The following PDSS2 variants were observed in gnomAD, a reference collection of about 807,000 sequenced individuals.
PDSS2 encodes the protein all trans-polyprenyl-diphosphate synthase PDSS2.
Under a neutral mutation model 44.5 loss-of-function variants are expected in PDSS2, and 31 were observed. The observed-to-expected ratio is 0.70, with a 90% confidence interval of 0.52 to 0.94. The LOEUF is 0.94. Ranked by LOEUF, PDSS2 falls within the 40% of genes least tolerant of loss-of-function variation. The probability of loss-of-function intolerance (pLI) is 0.00; values close to 1 mark genes in which losing one functional copy is unlikely to be tolerated. For synonymous variants in PDSS2, 157 were observed against 180.3 expected, an observed-to-expected ratio of 0.87 and a Z score of 1.03; for missense variants, 452 against 482.2, an observed-to-expected ratio of 0.94 and a Z score of 0.59.
intron 1 of PDSS2, among the ~76,000 whole-genome samples, chr6:107,368,576 A>T (rs1207261869): frequency 6.6e-6 from 1 of 152,176 alleles, no homozygotes; most frequent in Non-Finnish European, 1.5e-5. Flanking sequence ...AATGTGGGCC[A>T]GTCACGGCAG....
rs1241049560 is a variant in PDSS2 at position 107,154,276 on chromosome 6, C to T, written c.*343G>A. 1 of 328,564 alleles carries T rather than the reference C, an allele frequency of 3.0e-6. No individual in the cohort carries two copies. The highest frequency in any genetic ancestry group is 5.8e-6 in the Non-Finnish European group (1 of 171,322). The allele number at this position is 328,564 out of a possible 1,614,324, so 20.4% of individuals were successfully genotyped here. On this transcript the variant is annotated 3_prime_UTR_variant, in exon 8 of 8. Coordinates refer to ENST00000369037, the MANE Select transcript of PDSS2 (RefSeq NM_020381.4). ...CTTTGTCCTCTCTAGCAGGAAAAAC[C>T]ACAGGCCACCGCCCTGGCGCCATCC...
intron 1 of PDSS2, among the ~76,000 whole-genome samples, chr6:107,405,950 A>G (rs1583044876): frequency 3.3e-5 from 5 of 152,190 alleles, no homozygotes; most frequent in Admixed American, 2.6e-4. Flanking sequence ...AATGGGTACA[A>G]TGTAAACTTT....
chr6:107,220,383 C>T (rs1159298896), intron 4 of PDSS2, among the ~76,000 whole-genome samples: 2 of 151,816 alleles, frequency 1.3e-5, no homozygotes, highest in African/African-American at 4.8e-5. Flanking sequence ...GCAAAAAAAA[C>T]CCATTTATTA....
chr6:107,405,846 C>CAAAAAA (rs1301868631), intron 1 of PDSS2, among the ~76,000 whole-genome samples: 1 of 56,770 alleles, frequency 1.8e-5, no homozygotes, highest in African/African-American at 5.8e-5. Context: ...GACTCCGTCT[C>CAAAAAA]AAAAAAAAAA....
intron 1 of PDSS2, among the ~76,000 whole-genome samples, chr6:107,417,814 C>CAT (rs1429635762): frequency 7.1e-6 from 1 of 139,918 alleles, no homozygotes; most frequent in South Asian, 2.3e-4. Flanking sequence ...CACACACACA[C>CAT]ATATATACAC....
At chr6:107,181,071 C>T (rs745419398) in intron 7 of PDSS2, among the ~76,000 whole-genome samples, 21 of 152,178 alleles carry the variant, frequency 1.4e-4, no homozygotes, top group Non-Finnish European at 2.9e-4. Flanking sequence ...GCTCGAACTC[C>T]TGACCTCAGG....
At chr6:107,266,599 A>G (rs1582869554) in intron 3 of PDSS2, among the ~76,000 whole-genome samples, 2 of 152,366 alleles carry the variant, frequency 1.3e-5, no homozygotes, top group East Asian at 3.9e-4. Flanking sequence ...ATGCAAATTT[A>G]AAGGTGTAAA....
chr6:107,370,203 T>C (rs1779088834), intron 1 of PDSS2, among the ~76,000 whole-genome samples: 1 of 152,182 alleles, frequency 6.6e-6, no homozygotes, highest in Admixed American at 6.5e-5. Context: ...TCAAGAGTTT[T>C]GGCAGGTTTG....
At chr6:107,426,034 G>A (rs1180474327) in intron 1 of PDSS2, among the ~76,000 whole-genome samples, 2 of 152,106 alleles carry the variant, frequency 1.3e-5, no homozygotes, top group Non-Finnish European at 1.5e-5. Context: ...ATGTAACAAG[G>A]AGCCAAATGT....
At chr6:107,397,209 G>A (rs1282719224) in intron 1 of PDSS2, among the ~76,000 whole-genome samples, 1 of 150,774 alleles carries the variant, frequency 6.6e-6, no homozygotes, top group Non-Finnish European at 1.5e-5. Context: ...GGTCGAGGGG[G>A]AAGCATGAAA....
intron 1 of PDSS2, among the ~76,000 whole-genome samples, chr6:107,455,736 T>C (rs555061146): frequency 1.5e-3 from 166 of 109,426 alleles, no homozygotes; most frequent in African/African-American, 5.6e-3. Context: ...AGCCTGGCGA[T>C]AGAGCGAGAC....
chr6:107,199,788 G>A (rs748095332), intron 6 of PDSS2, among the ~76,000 whole-genome samples: 1 of 152,110 alleles, frequency 6.6e-6, no homozygotes, highest in Admixed American at 6.6e-5. Flanking sequence ...CAGGAAAAAC[G>A]AATTTTACTC....
intron 1 of PDSS2, among the ~76,000 whole-genome samples, chr6:107,408,635 C>G (rs1466642343): frequency 6.6e-6 from 1 of 152,100 alleles, no homozygotes. Flanking sequence ...ATCTGGCAAG[C>G]AAAAAATGAA....
At chr6:107,207,985 T>TG (rs914823532) in intron 6 of PDSS2, among the ~76,000 whole-genome samples, 2 of 144,320 alleles carry the variant, frequency 1.4e-5, no homozygotes, top group African/African-American at 5.1e-5. Flanking sequence ...CTTGTTTTTT[T>TG]TTTTTTTTTT....
chr6:107,354,430 C>G (rs1393237209), intron 1 of PDSS2, among the ~76,000 whole-genome samples: 1 of 152,218 alleles, frequency 6.6e-6, no homozygotes, highest in East Asian at 1.9e-4. Context: ...AAAAATCAGA[C>G]TCCATTCCAT....
chr6:107,158,680 C>G (rs1554246148), intron 7 of PDSS2, among the ~76,000 whole-genome samples: 1 of 152,124 alleles, frequency 6.6e-6, no homozygotes, highest in Non-Finnish European at 1.5e-5. Context: ...CAGCCAGATT[C>G]AAACTCCTAT....
intron 4 of PDSS2, among the ~76,000 whole-genome samples, chr6:107,239,872 C>A (rs1192714821): frequency 2.0e-5 from 3 of 151,992 alleles, no homozygotes; most frequent in Non-Finnish European, 4.4e-5. Context: ...GAACTCCTAA[C>A]CTCAAGTGAT....
chr6:107,372,081 ATT>A, intron 1 of PDSS2, among the ~76,000 whole-genome samples: 1 of 152,298 alleles, frequency 6.6e-6, no homozygotes, highest in Admixed American at 6.5e-5. Context: ...CTTTTAAAAG[ATT>A]CAATTAAGGA....
intron 6 of PDSS2, among the ~76,000 whole-genome samples, chr6:107,202,839 G>C (rs1772832535): frequency 6.6e-6 from 1 of 151,800 alleles, no homozygotes; most frequent in Non-Finnish European, 1.5e-5. Context: ...GATGTAGAAG[G>C]CTATGGTGTC....
Sources: allele counts gnomAD v4.1 joint callset (sites outside exome capture counted in the v4.1 genomes callset), GRCh38; gene constraint gnomAD v4.1.1; transcripts MANE v1.5; gene names NCBI Gene and HGNC (gene_info 2026-07-23, HGNC 2026-07-21).